The following STT3B variants were observed in gnomAD, a reference collection of about 807,000 sequenced individuals.
The protein encoded by STT3B is STT3 oligosaccharyltransferase complex catalytic subunit B.
A neutral mutation model predicts 96.8 loss-of-function variants in STT3B; 29 were observed. The observed-to-expected ratio is 0.30, with a 90% CI of 0.22 to 0.41. STT3B has a LOEUF of 0.41. STT3B is among the 10% of genes least tolerant of loss of function. STT3B has a pLI of 1.00. For missense variants in STT3B, 640 were observed against 1,022.3 expected (o/e 0.63, Z 5.10); for synonymous variants, 367 against 360.0 (o/e 1.02, Z -0.22).
At chr3:31,588,325 A>G (rs1698592390) in intron 3 of STT3B, among the ~76,000 whole-genome samples, 1 of 152,130 alleles carries the variant, frequency 6.6e-6, no homozygotes, top group South Asian at 2.1e-4. Context: ...TTACCCTTAA[A>G]ATATTTGTCT....
rs1236008908 is a variant in STT3B, at chr3:31,550,035, A to AT, written c.314+16731dup. ...TCTAACAGCCTCTTATTTTGTTGTA[A>AT]TTTTTTTTGTTGTCAGTTGCTTTTT... is the stretch of plus-strand genomic sequence containing the variant. On this transcript the variant is annotated intron_variant, in intron 1 of 15. Coordinates refer to ENST00000295770, the MANE Select transcript of STT3B (RefSeq NM_178862.3). Among the ~76,000 whole-genome samples, 3 of 151,364 alleles carry AT rather than the reference A, an allele frequency of 2.0e-5. No individual in the cohort carries two copies. The East Asian group carries it at 5.8e-4, about 29-fold the overall frequency.
intron 1 of STT3B, among the ~76,000 whole-genome samples, chr3:31,536,292 C>T (rs2125432357): frequency 6.6e-6 from 1 of 152,278 alleles, no homozygotes; most frequent in Admixed American, 6.5e-5. Context: ...TGTAGCTGAA[C>T]ACTCTAGTGT....
chr3:31,551,222 T>G (rs760973259), intron 1 of STT3B, among the ~76,000 whole-genome samples: 13 of 151,946 alleles, frequency 8.6e-5, no homozygotes, highest in Non-Finnish European at 7.4e-5. Flanking sequence ...TGTTTGTTTG[T>G]TTGTTTGGTT....
intron 1 of STT3B, among the ~76,000 whole-genome samples, chr3:31,555,600 A>G (rs986505528): frequency 6.6e-6 from 1 of 152,022 alleles, no homozygotes. Context: ...TTACTTAAAT[A>G]TTTGTGTGTT....
At chr3:31,536,877 C>T (rs927332466) in intron 1 of STT3B, among the ~76,000 whole-genome samples, 1 of 152,218 alleles carries the variant, frequency 6.6e-6, no homozygotes, top group African/African-American at 2.4e-5. Flanking sequence ...GTGTTTTCTA[C>T]ATATTTTTAT....
rs533886702 is a variant in STT3B, at chr3:31,593,636, C to T, written c.712-3162C>T. Among the ~76,000 whole-genome samples the T allele has an allele frequency of 3.9e-5, 6 of 152,146 alleles. No homozygotes were observed. In the East Asian group the frequency reaches 5.8e-4, roughly 15 times the overall value. ...TCTTCATGCTCACTGATTCTTCTGC[C>T]ATCTCAAATTTGCCATTAAGCCTAC... On this transcript the variant is annotated intron_variant, in intron 3 of 15. Transcript: ENST00000295770.
chr3:31,621,394 AATTC>A (rs1202185947), intron 9 of STT3B, among the ~76,000 whole-genome samples: 1 of 152,242 alleles, frequency 6.6e-6, no homozygotes, highest in Non-Finnish European at 1.5e-5. Flanking sequence ...TATATATACA[AATTC>A]ATTGAGATAC....
At chr3:31,619,164 C>T (rs1390436067) in intron 8 of STT3B, among the ~76,000 whole-genome samples, 2 of 152,080 alleles carry the variant, frequency 1.3e-5, no homozygotes, top group Non-Finnish European at 2.9e-5. Flanking sequence ...AAATCATGAA[C>T]TTGTTGAGCA....
chr3:31,625,951 C>T lies in STT3B; in HGVS notation c.1900-3C>T, dbSNP rs1390376821. ...CATTCTCATTTTTTTTTAAATTCTG[C>T]AGGTGGGAAAAGCTATGTCTTCTAA... On this transcript the variant is annotated splice_polypyrimidine_tract_variant and splice_region_variant and intron_variant, in intron 12 of 15. Transcript: ENST00000295770. 7 of 1,566,498 alleles carry T rather than the reference C, an allele frequency of 4.5e-6. No homozygotes were observed. Among genetic ancestry groups the T allele is most frequent in the South Asian group, 1.2e-5 (1 of 82,594 alleles).
intron 3 of STT3B, 63 bp downstream of exon 3, chr3:31,580,159 G>A: frequency 6.6e-7 from 1 of 1,509,784 alleles, no homozygotes; most frequent in Non-Finnish European, 9.0e-7. Flanking sequence ...AAACACTTTA[G>A]GCTGTACGCA....
intron 14 of STT3B, among the ~76,000 whole-genome samples, chr3:31,630,386 T>C (rs1575449636): frequency 1.3e-5 from 2 of 152,182 alleles, no homozygotes; most frequent in East Asian, 3.9e-4. Flanking sequence ...ACCCTTCTAC[T>C]TTCCCATCTT....
intron 1 of STT3B, among the ~76,000 whole-genome samples, chr3:31,565,315 A>T (rs544562948): frequency 6.6e-6 from 1 of 152,326 alleles, no homozygotes; most frequent in South Asian, 2.1e-4. Context: ...GGCAGACATT[A>T]TATTTCTCAT....
chr3:31,552,751 A>G (rs1363817817), intron 1 of STT3B, among the ~76,000 whole-genome samples: 1 of 152,212 alleles, frequency 6.6e-6, no homozygotes, highest in African/African-American at 2.4e-5. Context: ...TTGTGAGGAC[A>G]GGTCCGTCCT....
At chr3:31,566,580 C>G (rs76435211) in intron 1 of STT3B, among the ~76,000 whole-genome samples, 2 of 152,092 alleles carry the variant, frequency 1.3e-5, no homozygotes, top group African/African-American at 4.8e-5. Flanking sequence ...ACCTCAAGGC[C>G]TTTGCACTTG....
intron 11 of STT3B, among the ~76,000 whole-genome samples, chr3:31,624,590 T>C (rs1467050953): frequency 6.6e-6 from 1 of 152,150 alleles, no homozygotes; most frequent in Admixed American, 6.5e-5. Flanking sequence ...TGCCATGGCT[T>C]TCAACTACTC....
At chr3:31,561,534 G>C (rs1697878731) in intron 1 of STT3B, among the ~76,000 whole-genome samples, 1 of 151,868 alleles carries the variant, frequency 6.6e-6, no homozygotes, top group Admixed American at 6.6e-5. Flanking sequence ...GAATTTTTTT[G>C]TGTGTGCCCA....
intron 13 of STT3B, among the ~76,000 whole-genome samples, chr3:31,626,742 T>A (rs2125477857): frequency 6.6e-6 from 1 of 152,268 alleles, no homozygotes; most frequent in East Asian, 1.9e-4. Context: ...AATAACTAAT[T>A]TATAGTGCCG....
intron 1 of STT3B, among the ~76,000 whole-genome samples, chr3:31,571,934 T>TATTA (rs10662234): frequency 0.58 from 81,859 of 140,538 alleles, 26,160 homozygotes; most frequent in Non-Finnish European, 0.72. Flanking sequence ...ATATCATATA[T>TATTA]ATTATATATA....
At chr3:31,544,308 A>AT (rs1697350416) in intron 1 of STT3B, among the ~76,000 whole-genome samples, 2 of 152,236 alleles carry the variant, frequency 1.3e-5, no homozygotes, top group South Asian at 4.1e-4. Flanking sequence ...CTCATTAGGG[A>AT]TAAAATAAGT....
Sources: allele counts gnomAD v4.1 joint callset (sites outside exome capture counted in the v4.1 genomes callset), GRCh38; gene constraint gnomAD v4.1.1; transcripts MANE v1.5; gene names NCBI Gene and HGNC (gene_info 2026-07-23, HGNC 2026-07-21).